Variants in BLZF1 observed in about 807,000 individuals in gnomAD.
BLZF1 encodes golgin-45.
A neutral mutation model predicts 43.8 loss-of-function variants in BLZF1; 39 were observed. The ratio of observed to expected loss-of-function variants is 0.89; its 90% CI spans 0.69 to 1.16. BLZF1 has a LOEUF of 1.16. Among genes scored for constraint, BLZF1 ranks in the 50% most tolerant of loss-of-function variants. The pLI is 0.00. For synonymous variants in BLZF1, 136 were observed against 159.4 expected (o/e 0.85, Z 1.11); for missense variants, 449 against 469.8 (o/e 0.96, Z 0.41).
chr1:169,392,832 G>A (rs1182234743), downstream of BLZF1, among the ~76,000 whole-genome samples: 1 of 152,172 alleles, frequency 6.6e-6, no homozygotes, highest in Non-Finnish European at 1.5e-5. Context: ...GGTTTAGACA[G>A]CTTTCTAGGT....
At chr1:169,371,912 A>G (rs1204898387) in intron 2 of BLZF1, among the ~76,000 whole-genome samples, 1 of 152,228 alleles carries the variant, frequency 6.6e-6, no homozygotes, top group East Asian at 1.9e-4. Context: ...TAAAAAAGAT[A>G]TTCCATGAGC....
downstream of BLZF1, among the ~76,000 whole-genome samples, chr1:169,389,425 A>G (rs1654763759): frequency 6.6e-6 from 1 of 152,264 alleles, no homozygotes; most frequent in Admixed American, 6.5e-5. Context: ...ATGCAAATTA[A>G]TACCACTTCA....
chr1:169,395,170 C>T (rs976324322), intron 7 of BLZF1: 1 of 1,612,096 alleles, frequency 6.2e-7, no homozygotes, highest in African/African-American at 1.3e-5. Flanking sequence ...CAGCTTGTTG[C>T]TCTGCCATTT....
Position 169,386,998 on chromosome 1 carries a change from T to G in BLZF1, c.1019T>G (p.Val340Gly). Residue 340 changes from valine to glycine, a missense_variant and splice_region_variant, in exon 7 of 7, where the codon GTT (valine) becomes GGT (glycine). Val to Gly is a moderately radical substitution (Grantham distance 109). Transcript: ENST00000367808. The stretch of plus-strand genomic sequence containing the variant: ...GACATTATATCTTATTTTCCTTAGG[T>G]TCTAAGAATTTTAGATCCAGTTACC... ...STPAEKMAET[V>G]LRILDPVTCK... 1 of 1,599,688 alleles carries G rather than the reference T, an allele frequency of 6.3e-7. No individual in the cohort carries two copies. Among genetic ancestry groups the G allele is most frequent in the Non-Finnish European group, 8.5e-7 (1 of 1,171,474 alleles).
At chr1:169,391,354 G>C (rs1557853045), downstream of BLZF1, among the ~76,000 whole-genome samples, 1 of 152,122 alleles carries the variant, frequency 6.6e-6, no homozygotes, top group Non-Finnish European at 1.5e-5. Flanking sequence ...GCCTTCAAGG[G>C]GGTCCCTGGG....
At position 169,386,945 on chromosome 1, in the gene BLZF1, G is replaced by A. The variant is rs545549685; in HGVS notation, c.1018-52G>A. The stretch of plus-strand genomic sequence containing the variant: ...TAGGTATACATCAATGAAATCTTAG[G>A]CTTTTACCATCTATATTGCATACTT... On this transcript the variant is annotated intron_variant, in intron 6 of 6. Coordinates refer to ENST00000367808, the MANE Select transcript of BLZF1 (RefSeq NM_001320973.2). 5.2e-6 allele frequency: 7 copies of A among 1,337,596 alleles called. No individual in the cohort carries two copies. In the East Asian group the frequency reaches 1.6e-4, roughly 31 times the overall value. 82.9% of individuals were successfully genotyped at this position (1,337,596 alleles called of 1,614,324 possible).
intron 2 of BLZF1, among the ~76,000 whole-genome samples, chr1:169,370,747 A>G (rs945684993): frequency 2.0e-5 from 3 of 151,922 alleles, no homozygotes; most frequent in Admixed American, 6.6e-5. Flanking sequence ...AAATATCAAC[A>G]CTTTCCACCA....
downstream of BLZF1, among the ~76,000 whole-genome samples, chr1:169,389,581 A>G (rs888770246): frequency 6.6e-6 from 1 of 152,244 alleles, no homozygotes; most frequent in East Asian, 1.9e-4. Context: ...TAGAGTTACC[A>G]TATGGCCTAG....
At position 169,380,516 on chromosome 1, in the gene BLZF1, C is replaced by A. The variant is rs759937276; in HGVS notation, c.704C>A (p.Ala235Asp). The change falls in exon 5 of 7, where the codon GCT becomes GAT. Residue 235 changes from alanine (A) to aspartate (D), a missense_variant. Ala to Asp is a moderately radical substitution (Grantham distance 126). Coordinates refer to ENST00000367808, the MANE Select transcript of BLZF1 (RefSeq NM_001320973.2). ...GATGAGTTAACCAACTCAAGAGCAG[C>A]TTTACAGCGTCAAAACCGTGATGCA... The part of the protein sequence containing the change: ...MADELTNSRA[A>D]LQRQNRDAHG... 2 of 1,612,596 alleles carry A rather than the reference C, an allele frequency of 1.2e-6. No individual in the cohort carries two copies. The highest frequency in any genetic ancestry group is 1.1e-5 in the South Asian group (1 of 91,010).
chr1:169,390,202 CAAT>C (rs145247490), downstream of BLZF1, among the ~76,000 whole-genome samples: 143,557 of 151,958 alleles, frequency 0.94, 67,853 homozygotes, highest in African/African-American at 0.97. Flanking sequence ...GTGTCAATAA[CAAT>C]AATAATAAAG....
At chr1:169,372,232 T>A (rs1224289511) in intron 2 of BLZF1, among the ~76,000 whole-genome samples, 1 of 152,154 alleles carries the variant, frequency 6.6e-6, no homozygotes, top group Non-Finnish European at 1.5e-5. Context: ...TGATTTAAAA[T>A]TACCACATGA....
downstream of BLZF1, among the ~76,000 whole-genome samples, chr1:169,392,522 CTA>C (rs1192493616): frequency 5.3e-5 from 8 of 152,222 alleles, no homozygotes; most frequent in Non-Finnish European, 7.3e-5. Flanking sequence ...AGTTGAACCT[CTA>C]TGTGATATTG....
At chr1:169,391,135 T>G (rs1230361784), downstream of BLZF1, among the ~76,000 whole-genome samples, 4 of 152,192 alleles carry the variant, frequency 2.6e-5, no homozygotes, top group African/African-American at 9.7e-5. Flanking sequence ...ATTCAAAACC[T>G]GATCTCAATC....
intron 4 of BLZF1, among the ~76,000 whole-genome samples, chr1:169,378,852 A>G (rs528247922): frequency 6.6e-6 from 1 of 152,108 alleles, no homozygotes; most frequent in East Asian, 1.9e-4. Context: ...ATTTTTCCCC[A>G]TTCAAATATT....
intron 6 of BLZF1, 88 bp downstream of exon 6, chr1:169,382,369 G>T: frequency 8.5e-7 from 1 of 1,183,070 alleles, no homozygotes; most frequent in Non-Finnish European, 1.2e-6. Flanking sequence ...TTTGGCATTA[G>T]GAATTAGGAA....
intron 6 of BLZF1, among the ~76,000 whole-genome samples, chr1:169,385,415 T>C (rs777875016): frequency 5.9e-5 from 9 of 152,198 alleles, no homozygotes; most frequent in Non-Finnish European, 1.2e-4. Flanking sequence ...TATAGAATGA[T>C]CTCTCTGAAA....
intron 5 of BLZF1, among the ~76,000 whole-genome samples, chr1:169,381,155 GA>G (rs61426691): frequency 0.022 from 3,266 of 151,646 alleles, 125 homozygotes; most frequent in African/African-American, 0.075. Context: ...GTTTAATCAG[GA>G]AAAAAAGAGA....
chr1:169,392,909 G>A (rs971692373), downstream of BLZF1, among the ~76,000 whole-genome samples: 66 of 152,160 alleles, frequency 4.3e-4, no homozygotes, highest in Admixed American at 2.5e-3. Context: ...CTTGCCCCAC[G>A]AATCTCTTCA....
At chr1:169,373,287 G>A (rs1056469755) in intron 2 of BLZF1, among the ~76,000 whole-genome samples, 3 of 152,174 alleles carry the variant, frequency 2.0e-5, no homozygotes, top group Non-Finnish European at 4.4e-5. Flanking sequence ...TTTAAGGATT[G>A]TTTTGTTGGT....
Sources: gnomAD v4.1 joint callset for allele counts (sites outside exome capture counted in the v4.1 genomes callset) on GRCh38, gnomAD v4.1.1 for gene constraint, MANE v1.5 for transcripts, NCBI Gene and HGNC (gene_info 2026-07-23, HGNC 2026-07-21) for gene names.